The following MALRD1 variants were observed in gnomAD, a reference collection of about 807,000 sequenced individuals.
The protein encoded by MALRD1 is MAM and LDL-receptor class A domain-containing protein 1.
MALRD1 carries 247 observed loss-of-function variants against 242.1 expected under a neutral mutation model. That is an observed-to-expected ratio of 1.02 (90% CI 0.92 to 1.13). The LOEUF (loss-of-function observed/expected upper bound fraction) is 1.13, where lower values mean the gene tolerates loss of function less well. Ranked by LOEUF, MALRD1 falls within the 50% of genes most tolerant of loss-of-function variation. The probability of loss-of-function intolerance (pLI) is 0.00; values close to 1 mark genes in which losing one functional copy is unlikely to be tolerated. For missense variants in MALRD1, 2,989 were observed against 2,533.1 expected, an observed-to-expected ratio of 1.18 and a Z score of -3.86; for synonymous variants, 995 against 866.6, an observed-to-expected ratio of 1.15 and a Z score of -2.60.
chr10:19,359,718 A>G (rs1844805083), intron 26 of MALRD1, among the ~76,000 whole-genome samples: 1 of 151,522 alleles, frequency 6.6e-6, no homozygotes. Flanking sequence ...TAAAAAGAAT[A>G]CAGGATTTTG....
intron 32 of MALRD1, among the ~76,000 whole-genome samples, chr10:19,539,901 C>T (rs866448054): frequency 0.21 from 9,641 of 45,190 alleles, 737 homozygotes; most frequent in African/African-American, 0.38. Flanking sequence ...TGTGTGTGCG[C>T]GCGCGCGTGC....
chr10:19,472,173 T>G (rs1325561324), intron 29 of MALRD1, among the ~76,000 whole-genome samples: 1 of 152,046 alleles, frequency 6.6e-6, no homozygotes, highest in Non-Finnish European at 1.5e-5. Context: ...ATGATTTTTA[T>G]CCTTCATCAG....
chr10:19,540,615 A>C (rs1309627082), intron 32 of MALRD1, among the ~76,000 whole-genome samples: 1 of 152,140 alleles, frequency 6.6e-6, no homozygotes, highest in African/African-American at 2.4e-5. Flanking sequence ...TGAGCTGCTA[A>C]AAAGGCTCTG....
chr10:19,694,273 A>G (rs1833257742), intron 38 of MALRD1, among the ~76,000 whole-genome samples: 1 of 152,214 alleles, frequency 6.6e-6, no homozygotes, highest in Admixed American at 6.5e-5. Context: ...AGAAACCGCC[A>G]TCAGAGTGAA....
intron 18 of MALRD1, among the ~76,000 whole-genome samples, chr10:19,243,967 T>C (rs1838925431): frequency 6.6e-6 from 1 of 152,132 alleles, no homozygotes; most frequent in Non-Finnish European, 1.5e-5. Flanking sequence ...GAAATTTTAT[T>C]TTTAACTCTA....
intron 17 of MALRD1, among the ~76,000 whole-genome samples, chr10:19,205,674 C>G (rs371216104): frequency 6.6e-6 from 1 of 151,998 alleles, no homozygotes; most frequent in African/African-American, 2.4e-5. Context: ...AATCACAAGT[C>G]AAACCATGTA....
chr10:19,568,022 C>T (rs1836332352), intron 33 of MALRD1, among the ~76,000 whole-genome samples: 1 of 152,160 alleles, frequency 6.6e-6, no homozygotes, highest in Non-Finnish European at 1.5e-5. Flanking sequence ...AAGGCAAAGG[C>T]CCCTGTGGCT....
chr10:19,413,875 G>A (rs1022260848), intron 28 of MALRD1, among the ~76,000 whole-genome samples: 4 of 151,070 alleles, frequency 2.6e-5, no homozygotes, highest in East Asian at 2.0e-4. Context: ...CGCTTGAACC[G>A]AGGAAGCAGA....
At chr10:19,278,710 G>C (rs1337813079) in intron 19 of MALRD1, among the ~76,000 whole-genome samples, 5 of 152,226 alleles carry the variant, frequency 3.3e-5, no homozygotes, top group African/African-American at 1.2e-4. Flanking sequence ...TTTAATGGCA[G>C]AGATGGCATA....
chr10:19,452,884 G>T (rs1835405901), intron 29 of MALRD1, among the ~76,000 whole-genome samples: 1 of 152,156 alleles, frequency 6.6e-6, no homozygotes. Flanking sequence ...CATGGCATCT[G>T]GCTGTGTCAT....
intron 38 of MALRD1, among the ~76,000 whole-genome samples, chr10:19,703,318 G>A (rs78503953): frequency 0.092 from 14,065 of 152,080 alleles, 1,907 homozygotes; most frequent in African/African-American, 0.3. Context: ...CTGTAACAAA[G>A]TAGTGTTACC....
rs149108242 is a variant in MALRD1, at chr10:19,435,086, C to T, written c.4846-15221C>T. ...TGTCAGATGCAATTTGATAAATTCT[C>T]ATTACATGTGGGAATTATACAAAAA... On this transcript the variant is annotated intron_variant, in intron 28 of 39. Transcript: ENST00000454679. Among the ~76,000 whole-genome samples the T allele has an allele frequency of 2.9e-3, 434 of 150,364 alleles. 1 individual carries two copies. Among genetic ancestry groups the T allele is most frequent in the Non-Finnish European group, 4.4e-3 (300 of 67,594 alleles).
chr10:19,368,617 A>G (rs1184330323), intron 26 of MALRD1, among the ~76,000 whole-genome samples: 2 of 152,112 alleles, frequency 1.3e-5, no homozygotes, highest in East Asian at 1.9e-4. Flanking sequence ...TTGTAATGCC[A>G]TATCAGTATT....
intron 29 of MALRD1, among the ~76,000 whole-genome samples, chr10:19,479,837 G>A (rs1000197123): frequency 3.9e-5 from 6 of 152,176 alleles, no homozygotes; most frequent in Non-Finnish European, 8.8e-5. Flanking sequence ...CACTGATCAT[G>A]ACTTTTCCAT....
chr10:19,359,415 A>T (rs965844438), intron 26 of MALRD1, among the ~76,000 whole-genome samples: 2 of 152,152 alleles, frequency 1.3e-5, no homozygotes, highest in South Asian at 4.1e-4. Context: ...TACAAGTTCC[A>T]TTCCAAACTG....
At chr10:19,553,361 A>G (rs187894458) in intron 32 of MALRD1, among the ~76,000 whole-genome samples, 13 of 152,282 alleles carry the variant, frequency 8.5e-5, no homozygotes, top group Admixed American at 6.5e-4. Context: ...CATGTTATCA[A>G]TACATTTTAA....
At chr10:19,658,647 CT>C (rs913815060) in intron 36 of MALRD1, among the ~76,000 whole-genome samples, 2 of 152,120 alleles carry the variant, frequency 1.3e-5, no homozygotes, top group Non-Finnish European at 2.9e-5. Context: ...TGATCTCCAA[CT>C]TTCTTATGTG....
At chr10:19,651,785 G>C (rs1840905768) in intron 36 of MALRD1, among the ~76,000 whole-genome samples, 1 of 152,214 alleles carries the variant, frequency 6.6e-6, no homozygotes, top group Admixed American at 6.5e-5. Context: ...AGTGGGGCTT[G>C]ATTCATTCTG....
chr10:19,642,220 C>G (rs1170036010), intron 36 of MALRD1, among the ~76,000 whole-genome samples: 5 of 152,110 alleles, frequency 3.3e-5, no homozygotes, highest in African/African-American at 1.2e-4. Flanking sequence ...TCCAGAAAAT[C>G]TAATGAATCT....
Sources: allele counts gnomAD v4.1 joint callset (sites outside exome capture counted in the v4.1 genomes callset), GRCh38; gene constraint gnomAD v4.1.1; transcripts MANE v1.5; gene names NCBI Gene and HGNC (gene_info 2026-07-23, HGNC 2026-07-21).